Variants in RNF115 observed in about 807,000 individuals in gnomAD.
RNF115 encodes the protein E3 ubiquitin-protein ligase RNF115.
A neutral mutation model predicts 39.2 loss-of-function variants in RNF115; 31 were observed. The observed-to-expected ratio is 0.79, with a 90% CI of 0.59 to 1.07. RNF115 has a LOEUF of 1.07. RNF115 is among the 50% of genes least tolerant of loss of function. The pLI, the probability that RNF115 is intolerant of heterozygous loss-of-function variation, is 0.00. For synonymous variants in RNF115, 124 were observed against 131.0 expected (o/e 0.95, Z 0.37); for missense variants, 384 against 381.7 (o/e 1.01, Z -0.05).
At chr1:145,761,724 T>A (rs1216621969) in intron 4 of RNF115, among the ~76,000 whole-genome samples, 1 of 151,842 alleles carries the variant, frequency 6.6e-6, no homozygotes, top group Admixed American at 6.6e-5. Flanking sequence ...CCACACAGAG[T>A]CCCTACTGGG....
Position 145,823,776 on chromosome 1 carries a change from A to C in RNF115, c.98T>G (p.Leu33Arg). 1 of 1,575,358 alleles carries C rather than the reference A, an allele frequency of 6.3e-7. No individual in the cohort carries two copies. The highest frequency in any genetic ancestry group is 8.6e-7 in the Non-Finnish European group (1 of 1,163,552). The change falls in exon 1 of 9, where the codon CTA becomes CGA. Residue 33 changes from leucine (L) to arginine (R), a missense_variant. By Grantham distance (102) the Leu-to-Arg change is moderately radical. Transcript: ENST00000582693. ...HFCKGEVSPK[L>R]PEYICPRCES... ...TAGAGAACACAGCGCTCTTACCGGT[A>C]GTTTGGGGCTGACCTCGCCCTTGCA... is the stretch of plus-strand genomic sequence containing the variant.
At chr1:145,801,819 G>A (rs886783644) in intron 1 of RNF115, among the ~76,000 whole-genome samples, 9 of 151,666 alleles carry the variant, frequency 5.9e-5, no homozygotes, top group Non-Finnish European at 1.0e-4. Context: ...ACAGGGTCTC[G>A]CTCTGTTGCC....
At chr1:145,792,653 C>T (rs1443814546) in intron 1 of RNF115, among the ~76,000 whole-genome samples, 2 of 152,124 alleles carry the variant, frequency 1.3e-5, no homozygotes, top group Non-Finnish European at 2.9e-5. Flanking sequence ...AGGGAAAGCT[C>T]TGACTGAAAC....
chr1:145,753,319 A>C (rs1658166699), intron 4 of RNF115, among the ~76,000 whole-genome samples: 1 of 152,192 alleles, frequency 6.6e-6, no homozygotes, highest in Non-Finnish European at 1.5e-5. Context: ...ATAGTTTTTC[A>C]AACTATGTTC....
At chr1:145,760,409 C>T (rs1403995387) in intron 4 of RNF115, among the ~76,000 whole-genome samples, 3 of 152,168 alleles carry the variant, frequency 2.0e-5, no homozygotes, top group Non-Finnish European at 4.4e-5. Context: ...TGTGTCTCCA[C>T]CCAAATCTCA....
At chr1:145,747,086 A>T in intron 8 of RNF115, 89 bp from the exon 9 acceptor site, 1 of 1,313,272 alleles carries the variant, frequency 7.6e-7, no homozygotes, top group Non-Finnish European at 1.1e-6. Flanking sequence ...GAATTGTCAC[A>T]TCAAAAATTA....
At chr1:145,801,856 C>T (rs587623365) in intron 1 of RNF115, among the ~76,000 whole-genome samples, 73 of 152,158 alleles carry the variant, frequency 4.8e-4, no homozygotes, top group Admixed American at 1.2e-3. Context: ...GGCACCATCT[C>T]GGCTCACTGC....
chr1:145,767,754 C>T (rs1553715214), intron 4 of RNF115, among the ~76,000 whole-genome samples: 2 of 152,262 alleles, frequency 1.3e-5, no homozygotes, highest in African/African-American at 4.8e-5. Flanking sequence ...GCGGATCACT[C>T]GCGGTTAGCA....
rs1032785187 is a variant in RNF115, at chr1:145,823,950, C to T, written c.-77G>A. 2.8e-6 allele frequency: 3 copies of T among 1,065,916 alleles called. No homozygotes were observed. Among genetic ancestry groups the T allele is most frequent in the Non-Finnish European group, 3.8e-6 (3 of 793,006 alleles). The allele number at this position is 1,065,916 out of a possible 1,614,324, so 66.0% of individuals were successfully genotyped here. Reference sequence around the variant, plus strand: ...AGGCCGCTACCTCCCGAGCTGCAGTCGTCGCCGCCGCCGCCGCCTCGGTGC... The same window carrying T: ...AGGCCGCTACCTCCCGAGCTGCAGTTGTCGCCGCCGCCGCCGCCTCGGTGC... On this transcript the variant is annotated 5_prime_UTR_variant, in exon 1 of 9. Coordinates refer to ENST00000582693, the MANE Select transcript of RNF115 (RefSeq NM_014455.4).
chr1:145,764,801 T>TG (rs1440579940), intron 4 of RNF115, among the ~76,000 whole-genome samples: 9 of 143,734 alleles, frequency 6.3e-5, no homozygotes, highest in African/African-American at 7.9e-5. Context: ...GGGAGGGAGA[T>TG]GGGGGGTGCC....
At chr1:145,789,102 GTTT>G (rs797033513) in intron 1 of RNF115, 136 bp from the exon 2 acceptor site, 3 of 484,430 alleles carry the variant, frequency 6.2e-6, no homozygotes, top group Admixed American at 7.0e-5. Context: ...AGTAGTTTTT[GTTT>G]TTTTTTTTCT....
intron 1 of RNF115, among the ~76,000 whole-genome samples, chr1:145,812,645 G>A (rs1351666308): frequency 1.4e-5 from 2 of 145,066 alleles, no homozygotes; most frequent in Non-Finnish European, 3.0e-5. Flanking sequence ...GGGTGACAGA[G>A]TGAGGCTTCA....
intron 7 of RNF115, among the ~76,000 whole-genome samples, chr1:145,749,202 T>C (rs1657989825): frequency 7.3e-6 from 1 of 137,402 alleles, no homozygotes; most frequent in Non-Finnish European, 1.7e-5. Context: ...ACTTAATAGA[T>C]TCACTCCTTA....
intron 1 of RNF115, among the ~76,000 whole-genome samples, chr1:145,807,303 C>T (rs782177149): frequency 1.1e-4 from 17 of 152,046 alleles, no homozygotes; most frequent in African/African-American, 3.4e-4. Flanking sequence ...TGTTACAGGA[C>T]GAGATAGACC....
intron 1 of RNF115, among the ~76,000 whole-genome samples, chr1:145,808,327 T>G (rs1649546474): frequency 6.6e-6 from 1 of 152,214 alleles, no homozygotes; most frequent in South Asian, 2.1e-4. Context: ...GAGTTCCCTT[T>G]CTTCCACATT....
rs1647887625 is a variant in RNF115, at chr1:145,776,370, G to T, written c.220-4451C>A. ...GTAGAGATGGGGTTTCACCATGTTGGCCAGACTGGTCTTGAACTCCTGACC... is the reference window on the plus strand; with the variant it reads ...GTAGAGATGGGGTTTCACCATGTTGTCCAGACTGGTCTTGAACTCCTGACC... On this transcript the variant is annotated intron_variant, in intron 3 of 8. Transcript: ENST00000582693. 1.3e-5 allele frequency among the ~76,000 whole-genome samples: 2 copies of T among 151,454 alleles called. 1 individual carries two copies. The highest frequency in any genetic ancestry group is 4.2e-4 in the South Asian group (2 of 4,776).
chr1:145,753,735 G>C (rs1173947186), intron 4 of RNF115, among the ~76,000 whole-genome samples: 1 of 151,628 alleles, frequency 6.6e-6, no homozygotes, highest in Non-Finnish European at 1.5e-5. Flanking sequence ...TTTCTTTTTT[G>C]AGACAGAGTC....
intron 4 of RNF115, among the ~76,000 whole-genome samples, chr1:145,766,937 GCTGAC>G (rs1179817465): frequency 1.8e-4 from 8 of 43,600 alleles, no homozygotes; most frequent in Admixed American, 8.0e-4. Flanking sequence ...CGGGCGGGGG[GCTGAC>G]CTGACCCCCC....
chr1:145,749,946 T>A (rs1553712221), intron 7 of RNF115, among the ~76,000 whole-genome samples: 1 of 152,182 alleles, frequency 6.6e-6, no homozygotes, highest in Non-Finnish European at 1.5e-5. Flanking sequence ...TAAAATAGTA[T>A]CTATGACTAA....
Sources: allele counts gnomAD v4.1 joint callset (sites outside exome capture counted in the v4.1 genomes callset), GRCh38; gene constraint gnomAD v4.1.1; transcripts MANE v1.5; gene names NCBI Gene and HGNC (gene_info 2026-07-23, HGNC 2026-07-21).